Variants in ROBO1 observed in about 807,000 individuals in gnomAD.
The protein encoded by ROBO1 is roundabout guidance receptor 1.
ROBO1 carries 149 observed loss-of-function variants against 195.9 expected under a neutral mutation model. The ratio of observed to expected loss-of-function variants is 0.76; its 90% CI spans 0.67 to 0.87. ROBO1 has a LOEUF of 0.87. ROBO1 is among the 40% of genes least tolerant of loss of function. The pLI, the probability that ROBO1 is intolerant of heterozygous loss-of-function variation, is 0.00. For synonymous variants in ROBO1, 816 were observed against 733.2 expected (o/e 1.11, Z -1.82); for missense variants, 1,933 against 2,068.3 (o/e 0.93, Z 1.27).
rs1423830837 is a variant in ROBO1 at position 79,575,490 on chromosome 3, A to AATATATAAATATATATAACAAAT, written c.88+14311_88+14333dup. On this transcript the variant is annotated intron_variant, in intron 2 of 30. Coordinates refer to ENST00000464233, the MANE Select transcript of ROBO1 (RefSeq NM_002941.4). The stretch of plus-strand genomic sequence containing the variant: ...AATACATATATAAATATATATAACA[A>AATATATAAATATATATAACAAAT]ATATATAAATATATATAACAAATAT... Among the ~76,000 whole-genome samples, 222 of 127,102 alleles carry AATATATAAATATATATAACAAAT rather than the reference A, an allele frequency of 1.7e-3. 6 individuals are homozygous for AATATATAAATATATATAACAAAT. Among genetic ancestry groups the AATATATAAATATATATAACAAAT allele is most frequent in the African/African-American group, 5.2e-3 (170 of 32,788 alleles). The allele number at this position is 127,102 out of a possible 152,430, so 83.4% of individuals were successfully genotyped here. A position where few individuals can be genotyped will look rare whatever the true frequency, so the allele number is the denominator to read the frequency against.
intron 2 of ROBO1, among the ~76,000 whole-genome samples, chr3:79,512,162 A>C (rs893564846): frequency 2.7e-5 from 4 of 149,308 alleles, no homozygotes; most frequent in African/African-American, 9.8e-5. Flanking sequence ...TGAGGCCCAG[A>C]GAAATTAAAT....
chr3:79,341,138 T>A (rs1312930571), intron 2 of ROBO1, among the ~76,000 whole-genome samples: 1 of 152,216 alleles, frequency 6.6e-6, no homozygotes, highest in Non-Finnish European at 1.5e-5. Context: ...GAATTTCCAA[T>A]GCCATCTGAA....
At position 79,534,148 on chromosome 3, in the gene ROBO1, C is replaced by CAAAAAAAAAAAAAA. The variant is rs5850434; in HGVS notation, c.88+55662_88+55675dup. Reference sequence around the variant, plus strand: ...GGAAGACTCTAGATGCTGGGGAAGGCAAAAAAAAAAAAAAAAAAAAAAAAA... The same window carrying CAAAAAAAAAAAAAA: ...GGAAGACTCTAGATGCTGGGGAAGGCAAAAAAAAAAAAAAAAAAAAAAAAAAAAAAAAAAAAAAA... On this transcript the variant is annotated intron_variant, in intron 2 of 30. Transcript: ENST00000464233. Among the ~76,000 whole-genome samples the CAAAAAAAAAAAAAA allele has an allele frequency of 6.7e-5, 4 of 59,946 alleles. 1 individual carries two copies. Among genetic ancestry groups the CAAAAAAAAAAAAAA allele is most frequent in the African/African-American group, 2.5e-4 (4 of 15,982 alleles). The allele number at this position is 59,946 out of a possible 152,430, so 39.3% of individuals were successfully genotyped here. A position where few individuals can be genotyped will look rare whatever the true frequency, so the allele number is the denominator to read the frequency against.
rs569885113 is a variant in ROBO1 at position 79,251,064 on chromosome 3, C to G, written c.89-125525G>C. ...AATGAGAGCCAAACTGTCTCAACAA[C>G]AACAACAAAAAAGGAAATCAGTAAG... On this transcript the variant is annotated intron_variant, in intron 2 of 30. Transcript: ENST00000464233. Among the ~76,000 whole-genome samples, 7 of 151,874 alleles carry G rather than the reference C, an allele frequency of 4.6e-5. No individual in the cohort carries two copies. In the East Asian group the frequency reaches 1.4e-3, roughly 29 times the overall value.
Position 78,639,867 on chromosome 3 carries a change from C to A in ROBO1, c.2914G>T (p.Ala972Ser), listed in dbSNP as rs371174175. ...PGLLNISEPAAQPWLADTWPN... is the reference protein window; with the variant it reads ...PGLLNISEPASQPWLADTWPN... Reference sequence around the variant, plus strand: ...CACGTGTCTGCCAGCCATGGCTGCGCGGCAGGTTCACTGATGTTGAGAAGT... The same window carrying A: ...CACGTGTCTGCCAGCCATGGCTGCGAGGCAGGTTCACTGATGTTGAGAAGT... The change falls in exon 22 of 31, where the codon GCG (alanine) becomes TCG (serine). Residue 972 changes from alanine to serine, a missense_variant. Coordinates refer to ENST00000464233, the MANE Select transcript of ROBO1 (RefSeq NM_002941.4). The A allele has an allele frequency of 6.2e-7, 1 of 1,606,804 alleles. No homozygotes were observed. The highest frequency in any genetic ancestry group is 1.7e-5 in the Admixed American group (1 of 59,202).
intron 5 of ROBO1, among the ~76,000 whole-genome samples, chr3:78,720,852 C>T (rs988067378): frequency 6.6e-6 from 1 of 151,932 alleles, no homozygotes; most frequent in East Asian, 1.9e-4. Flanking sequence ...GAACAAAAAA[C>T]CAAACACCAC....
chr3:79,116,885 A>T (rs931608914), intron 3 of ROBO1, among the ~76,000 whole-genome samples: 1 of 152,170 alleles, frequency 6.6e-6, no homozygotes, highest in Non-Finnish European at 1.5e-5. Context: ...TGGTTGGTAT[A>T]CTGTACTATT....
intron 1 of ROBO1, among the ~76,000 whole-genome samples, chr3:79,699,655 G>T (rs1947556130): frequency 2.0e-5 from 3 of 148,984 alleles, no homozygotes; most frequent in Admixed American, 6.7e-5. Context: ...GTATGTTGTT[G>T]TTTTTTTTTC....
chr3:78,732,374 C>T (rs752516589), intron 5 of ROBO1, among the ~76,000 whole-genome samples: 2 of 152,054 alleles, frequency 1.3e-5, no homozygotes, highest in Non-Finnish European at 2.9e-5. Context: ...GGACATCCAA[C>T]CTAATGGCCA....
chr3:78,833,369 C>T, intron 4 of ROBO1, among the ~76,000 whole-genome samples: 1 of 152,132 alleles, frequency 6.6e-6, no homozygotes, highest in East Asian at 1.9e-4. Flanking sequence ...TACGTGGTTG[C>T]ACTCACAACA....
chr3:79,125,475 G>A lies in ROBO1; in HGVS notation c.153C>T (p.Asp51=), dbSNP rs189927569. Residue 51 remains aspartate, a synonymous_variant, in exon 3 of 31, where the codon GAC becomes GAT. Coordinates refer to ENST00000464233, the MANE Select transcript of ROBO1 (RefSeq NM_002941.4). ...CTCTACCTGTATAGCCCAGCGAATTGTCATCGTTATCAGAGGTGGGGATTG... is the reference window on the plus strand; with the variant it reads ...CTCTACCTGTATAGCCCAGCGAATTATCATCGTTATCAGAGGTGGGGATTG... The part of the protein sequence containing the change: ...GTPIPTSDND[D]NSLGYTGSRL... The A allele has an allele frequency of 1.9e-6, 3 of 1,613,592 alleles. No individual in the cohort carries two copies. Among genetic ancestry groups the A allele is most frequent in the African/African-American group, 2.7e-5 (2 of 75,030 alleles).
intron 14 of ROBO1, among the ~76,000 whole-genome samples, chr3:78,665,278 C>T (rs1442062898): frequency 6.6e-6 from 1 of 152,138 alleles, no homozygotes; most frequent in Non-Finnish European, 1.5e-5. Context: ...GCTAAGACTA[C>T]ATTTGTTCTC....
chr3:78,963,507 T>TC (rs1560056232), intron 3 of ROBO1, among the ~76,000 whole-genome samples: 8 of 121,824 alleles, frequency 6.6e-5, no homozygotes, highest in East Asian at 4.3e-4. Context: ...TTTTTTTTTT[T>TC]TTTTTTTTTT....
At chr3:79,411,850 C>T (rs533063065) in intron 2 of ROBO1, among the ~76,000 whole-genome samples, 1 of 152,128 alleles carries the variant, frequency 6.6e-6, no homozygotes, top group African/African-American at 2.4e-5. Flanking sequence ...CTACGCAGAC[C>T]CTGATGCATT....
chr3:78,798,903 C>CA (rs1242393218), intron 4 of ROBO1, among the ~76,000 whole-genome samples: 4 of 151,970 alleles, frequency 2.6e-5, no homozygotes, highest in African/African-American at 9.7e-5. Context: ...AAGGATAGAC[C>CA]ATCAATAAGC....
chr3:79,503,155 C>T (rs879157694), intron 2 of ROBO1, among the ~76,000 whole-genome samples: 2 of 152,090 alleles, frequency 1.3e-5, no homozygotes, highest in South Asian at 2.1e-4. Flanking sequence ...ACACTCACTG[C>T]GAAGGTTTGC....
chr3:79,605,114 A>G (rs552886056), intron 1 of ROBO1, among the ~76,000 whole-genome samples: 1 of 152,096 alleles, frequency 6.6e-6, no homozygotes, highest in Non-Finnish European at 1.5e-5. Context: ...GCTAAAAAGG[A>G]ATTGTCCGAA....
chr3:78,922,889 C>T (rs1236237138), intron 4 of ROBO1, among the ~76,000 whole-genome samples: 1 of 152,074 alleles, frequency 6.6e-6, no homozygotes, highest in Non-Finnish European at 1.5e-5. Flanking sequence ...TGAGCTATCG[C>T]ATCTGGACTC....
At chr3:79,435,647 G>A (rs1255414444) in intron 2 of ROBO1, among the ~76,000 whole-genome samples, 1 of 152,050 alleles carries the variant, frequency 6.6e-6, no homozygotes, top group African/African-American at 2.4e-5. Context: ...CCAGAACTCA[G>A]GATTTGTAAA....
Sources: gnomAD v4.1 joint callset for allele counts (sites outside exome capture counted in the v4.1 genomes callset) on GRCh38, gnomAD v4.1.1 for gene constraint, MANE v1.5 for transcripts, NCBI Gene and HGNC (gene_info 2026-07-23, HGNC 2026-07-21) for gene names.